STEAP4: variants seen among roughly 807,000 people sequenced by gnomAD.
STEAP4 encodes STEAP4 metalloreductase, also known as metalloreductase STEAP4.
A neutral mutation model predicts 43.6 loss-of-function variants in STEAP4; 36 were observed. The observed-to-expected ratio is 0.83, with a 90% CI of 0.63 to 1.09. The LOEUF is 1.09. Among genes scored for constraint, STEAP4 ranks in the 50% least tolerant of loss-of-function variants. STEAP4 has a pLI of 0.00. For synonymous variants in STEAP4, 191 were observed against 196.7 expected (o/e 0.97, Z 0.24); for missense variants, 495 against 546.5 (o/e 0.91, Z 0.94).
intron 1 of STEAP4, among the ~76,000 whole-genome samples, chr7:88,291,698 C>T (rs1335812745): frequency 6.6e-6 from 1 of 152,004 alleles, no homozygotes; most frequent in Non-Finnish European, 1.5e-5. Context: ...TCTAGTCCTA[C>T]TTTACTCTTA....
At chr7:88,284,718 A>AT (rs1291241427) in intron 1 of STEAP4, among the ~76,000 whole-genome samples, 1 of 152,148 alleles carries the variant, frequency 6.6e-6, no homozygotes, top group Admixed American at 6.5e-5. Context: ...TATAAATTCA[A>AT]TTTTTGAAAC....
At chr7:88,304,666 G>A (rs994910172) in intron 1 of STEAP4, among the ~76,000 whole-genome samples, 5 of 151,364 alleles carry the variant, frequency 3.3e-5, no homozygotes, top group Admixed American at 6.6e-5. Context: ...GTGTGTGTGT[G>A]TTTGCTAGCA....
At chr7:88,296,658 G>A (rs905225650) in intron 1 of STEAP4, among the ~76,000 whole-genome samples, 1 of 151,992 alleles carries the variant, frequency 6.6e-6, no homozygotes, top group Non-Finnish European at 1.5e-5. Context: ...GTGATTCACA[G>A]CATTTGTTTT....
intron 1 of STEAP4, among the ~76,000 whole-genome samples, chr7:88,286,476 T>A (rs1337519823): frequency 1.3e-5 from 2 of 152,174 alleles, no homozygotes; most frequent in Non-Finnish European, 2.9e-5. Flanking sequence ...GGAAGGTTTG[T>A]CAAATATCAA....
rs1417209747 is a variant in STEAP4 at position 88,283,010 on chromosome 7, A to AT, written c.614dup (p.Tyr205Ter). Reference sequence around the variant, plus strand: ...AGAAGACACACAGCACAGCAGACAAATAGAAGGGGAACCTCCACATTGGAA... The same window carrying AT: ...AGAAGACACACAGCACAGCAGACAAATTAGAAGGGGAACCTCCACATTGGAA... Reference protein sequence around the residue: ...QLFPMWRFPFYLSAVLCVFLF... With the variant: ...QLFPMWRFPF The change falls in exon 3 of 5, where the codon TAT (tyrosine) becomes TAAT (stop). Residue 205 changes from tyrosine to a stop codon, truncating the protein, a stop_gained and frameshift_variant. Coordinates refer to ENST00000380079, the MANE Select transcript of STEAP4 (RefSeq NM_024636.4). LOFTEE classifies it high-confidence loss of function. The AT allele has an allele frequency of 6.2e-7, 1 of 1,613,796 alleles. No individual in the cohort carries two copies. The highest frequency in any genetic ancestry group is 1.7e-5 in the Admixed American group (1 of 59,940).
intron 1 of STEAP4, among the ~76,000 whole-genome samples, chr7:88,300,489 C>A (rs1853013751): frequency 6.6e-6 from 1 of 152,142 alleles, no homozygotes; most frequent in Non-Finnish European, 1.5e-5. Flanking sequence ...GCCACTTTGC[C>A]CACCTTTGGC....
chr7:88,282,493 TA>T, intron 3 of STEAP4, 147 bp downstream of exon 3: 2 of 866,458 alleles, frequency 2.3e-6, no homozygotes, highest in South Asian at 1.9e-5. Flanking sequence ...GGATTCATTT[TA>T]AAAAACTGAC....
In STEAP4 at chr7:88,282,965, TATAAC is replaced by T. The variant is rs753678963; in HGVS notation, c.655_659del (p.Val219LysfsTer10). ...AAACATAAGGGTAGATTACGTCTCTTATAACACAATAGAAAAACAAGAAGACACAC... is the reference window on the plus strand; with the variant it reads ...AAACATAAGGGTAGATTACGTCTCTTACAATAGAAAAACAAGAAGACACAC... On this transcript the variant is annotated frameshift_variant, in exon 3 of 5. Coordinates refer to ENST00000380079, the MANE Select transcript of STEAP4 (RefSeq NM_024636.4). LOFTEE classifies it high-confidence loss of function. The T allele has an allele frequency of 3.1e-6, 5 of 1,613,624 alleles. No homozygotes were observed. The highest frequency in any genetic ancestry group is 4.2e-6 in the Non-Finnish European group (5 of 1,179,784).
chr7:88,278,407 A>G lies in STEAP4; in HGVS notation c.*991T>C, dbSNP rs1411485657. On this transcript the variant is annotated 3_prime_UTR_variant, in exon 5 of 5. Coordinates refer to ENST00000380079, the MANE Select transcript of STEAP4 (RefSeq NM_024636.4). ...TCATTTAATTTTACTCCTTACAATT[A>G]TAATAGACTAAGACAGATATAGAAG... 6.6e-6 allele frequency: 1 copy of G among 152,250 alleles called. No homozygotes were observed. The highest frequency in any genetic ancestry group is 1.5e-5 in the Non-Finnish European group (1 of 68,044). The allele number at this position is 152,250 out of a possible 1,614,324, so 9.4% of individuals were successfully genotyped here.
Position 88,282,916 on chromosome 7 carries a change from G to T in STEAP4, c.709C>A (p.Arg237Ser), listed in dbSNP as rs769390918. 2 of 1,614,174 alleles carry T rather than the reference G, an allele frequency of 1.2e-6. No homozygotes were observed. The highest frequency in any genetic ancestry group is 4.5e-5 in the East Asian group (2 of 44,880). The change falls in exon 3 of 5, where the codon CGT becomes AGT. Residue 237 changes from arginine (R) to serine (S), a missense_variant. Transcript: ENST00000380079. ...YVYEKKDNTF[R>S]MAISIPNRIF... ...CGATTTGGAATGGAAATAGCCATACGAAATGTATTATCTTTCTTTTCATAA... is the reference window on the plus strand; with the variant it reads ...CGATTTGGAATGGAAATAGCCATACTAAATGTATTATCTTTCTTTTCATAA...
At chr7:88,283,192 T>G (rs777050793) in intron 2 of STEAP4, 24 bp from the exon 3 acceptor site, 1 of 1,513,834 alleles carries the variant, frequency 6.6e-7, no homozygotes, top group South Asian at 1.4e-5. Context: ...AGTTAATTAA[T>G]TCTGTATTTA....
Position 88,279,632 on chromosome 7 carries a change from T to C in STEAP4, c.1150-4A>G, listed in dbSNP as rs759541231. The stretch of plus-strand genomic sequence containing the variant: ...GGGTCAAATAACCCAGTTTGGACTA[T>C]AAACAAGAAACAAAAATATGTAAGT... On this transcript the variant is annotated splice_polypyrimidine_tract_variant and splice_region_variant and intron_variant, in intron 4 of 4. Transcript: ENST00000380079. 10 of 1,603,262 alleles carry C rather than the reference T, an allele frequency of 6.2e-6. No homozygotes were observed. In the South Asian group the frequency reaches 1.0e-4, roughly 16 times the overall value.
rs1367400254 is a variant in STEAP4 at position 88,279,527 on chromosome 7, A to G, written c.1251T>C (p.Pro417=). 3.7e-6 allele frequency: 6 copies of G among 1,614,194 alleles called. No homozygotes were observed. Among genetic ancestry groups the G allele is most frequent in the Non-Finnish European group, 5.1e-6 (6 of 1,180,028 alleles). Residue 417 remains proline, a synonymous_variant, in exon 5 of 5, where the codon CCT becomes CCC. Transcript: ENST00000380079. ...LSPSNLRWYL[P]AAYVLGLIIP... Reference sequence around the variant, plus strand: ...TGATAAGCCCTAACACGTAGGCTGCAGGAAGATACCATCTGAGATTTGAAG... The same window carrying G: ...TGATAAGCCCTAACACGTAGGCTGCGGGAAGATACCATCTGAGATTTGAAG...
intron 1 of STEAP4, among the ~76,000 whole-genome samples, chr7:88,289,778 C>T (rs1280748058): frequency 6.6e-6 from 1 of 152,190 alleles, no homozygotes; most frequent in Admixed American, 6.5e-5. Flanking sequence ...GGGGAAGTAC[C>T]TGTAGATGAT....
rs1192416326 is a variant in STEAP4 at position 88,273,584 on chromosome 7, T to G, written c.*5814A>C. ...AAATGAGAAGTGTTATGAAATTTCT[T>G]GCATGGGTTACTGGATCTCAAAAAC... On this transcript the variant is annotated 3_prime_UTR_variant, in exon 5 of 5. Transcript: ENST00000380079. 6.6e-6 allele frequency: 1 copy of G among 152,138 alleles called. No homozygotes were observed. Among genetic ancestry groups the G allele is most frequent in the Non-Finnish European group, 1.5e-5 (1 of 68,020 alleles). 9.4% of individuals were successfully genotyped at this position (152,138 alleles called of 1,614,324 possible).
chr7:88,286,581 G>T (rs56919832), intron 1 of STEAP4, among the ~76,000 whole-genome samples: 1 of 152,070 alleles, frequency 6.6e-6, no homozygotes, highest in African/African-American at 2.4e-5. Flanking sequence ...GCATGGAGGC[G>T]CACGCCTATA....
intron 1 of STEAP4, among the ~76,000 whole-genome samples, chr7:88,298,926 A>G (rs1302111296): frequency 1.3e-5 from 2 of 152,198 alleles, no homozygotes; most frequent in African/African-American, 4.8e-5. Flanking sequence ...AAACACAGTA[A>G]TCTTAACTTG....
chr7:88,293,230 T>C (rs1462677721), intron 1 of STEAP4, among the ~76,000 whole-genome samples: 1 of 152,226 alleles, frequency 6.6e-6, no homozygotes, highest in Admixed American at 6.5e-5. Context: ...TCTCTTAATG[T>C]GTTTATTTGC....
At chr7:88,289,439 A>T (rs1183933706) in intron 1 of STEAP4, among the ~76,000 whole-genome samples, 1 of 152,198 alleles carries the variant, frequency 6.6e-6, no homozygotes, top group Non-Finnish European at 1.5e-5. Context: ...CAATTCTCCT[A>T]TGGTGGATTT....
Sources: allele counts gnomAD v4.1 joint callset (sites outside exome capture counted in the v4.1 genomes callset), GRCh38; gene constraint gnomAD v4.1.1; transcripts MANE v1.5; gene names NCBI Gene and HGNC (gene_info 2026-07-23, HGNC 2026-07-21).